The following CCSER1 variants were observed in gnomAD, a reference collection of about 807,000 sequenced individuals.
The protein encoded by CCSER1 is serine-rich coiled-coil domain-containing protein 1.
In CCSER1, 41 loss-of-function variants were observed where a neutral mutation model predicts 82.0. That is an observed-to-expected ratio of 0.50 (90% confidence interval 0.39 to 0.65). The LOEUF (loss-of-function observed/expected upper bound fraction) is 0.65. CCSER1 is among the 30% of genes least tolerant of loss of function. CCSER1 has a pLI of 0.00. For synonymous variants in CCSER1, 414 were observed against 383.9 expected (o/e 1.08, Z -0.92); for missense variants, 1,119 against 1,064.2 (o/e 1.05, Z -0.72).
At chr4:90,917,476 G>A (rs1286243022) in intron 8 of CCSER1, among the ~76,000 whole-genome samples, 1 of 152,088 alleles carries the variant, frequency 6.6e-6, no homozygotes, top group Admixed American at 6.6e-5. Context: ...AGAACACTTG[G>A]ACCCAGGAAG....
intron 7 of CCSER1, chr4:90,780,888 T>C: frequency 1.4e-6 from 1 of 708,408 alleles, no homozygotes; most frequent in Non-Finnish European, 1.7e-6. Context: ...AGGTGATTTA[T>C]AAGAAAAGGG....
chr4:91,245,957 A>C (rs1222961170), intron 10 of CCSER1, among the ~76,000 whole-genome samples: 2 of 152,190 alleles, frequency 1.3e-5, no homozygotes, highest in African/African-American at 4.8e-5. Flanking sequence ...CGGCCTCCCA[A>C]AGTGTTGGGA....
chr4:90,946,893 C>T (rs1249679648), intron 9 of CCSER1, among the ~76,000 whole-genome samples: 5 of 152,158 alleles, frequency 3.3e-5, no homozygotes, highest in African/African-American at 9.7e-5. Flanking sequence ...TGACTCATAA[C>T]ATCAAATATT....
At chr4:90,233,640 AAAAAAAC>A (rs934666482) in intron 1 of CCSER1, among the ~76,000 whole-genome samples, 1 of 150,466 alleles carries the variant, frequency 6.6e-6, no homozygotes, top group African/African-American at 2.5e-5. Flanking sequence ...AAATTAAAAA[AAAAAAAC>A]AAAACAAACT....
chr4:91,328,628 G>T (rs1345507193), intron 10 of CCSER1, among the ~76,000 whole-genome samples: 1 of 152,056 alleles, frequency 6.6e-6, no homozygotes, highest in African/African-American at 2.4e-5. Flanking sequence ...TGAATTATTT[G>T]TACTCATTAA....
At chr4:90,922,966 A>C (rs1220939983) in intron 8 of CCSER1, among the ~76,000 whole-genome samples, 3 of 152,196 alleles carry the variant, frequency 2.0e-5, no homozygotes, top group Non-Finnish European at 2.9e-5. Flanking sequence ...CAAACTGAAT[A>C]GAATCCATTG....
intron 4 of CCSER1, among the ~76,000 whole-genome samples, chr4:90,408,707 A>AC (rs1166756152): frequency 6.6e-6 from 1 of 152,164 alleles, no homozygotes; most frequent in Non-Finnish European, 1.5e-5. Context: ...AAAACCAGAA[A>AC]TCTAAAAATC....
At chr4:90,401,216 A>G (rs1752824968) in intron 4 of CCSER1, among the ~76,000 whole-genome samples, 1 of 152,112 alleles carries the variant, frequency 6.6e-6, no homozygotes, top group Admixed American at 6.6e-5. Context: ...TTCTTGGGAC[A>G]TTTTTCCTGT....
chr4:90,349,842 C>A (rs770532264), intron 3 of CCSER1, among the ~76,000 whole-genome samples: 1 of 149,066 alleles, frequency 6.7e-6, no homozygotes, highest in Non-Finnish European at 1.5e-5. Context: ...TCTTCATTCA[C>A]GTGAGGTAAA....
intron 5 of CCSER1, among the ~76,000 whole-genome samples, chr4:90,625,857 A>T (rs574646097): frequency 5.3e-5 from 8 of 152,330 alleles, no homozygotes; most frequent in Admixed American, 5.2e-4. Flanking sequence ...CATCTTAGCT[A>T]TTTGAAAATG....
At chr4:91,140,873 C>G (rs755784374) in intron 10 of CCSER1, among the ~76,000 whole-genome samples, 1 of 151,994 alleles carries the variant, frequency 6.6e-6, no homozygotes, top group Non-Finnish European at 1.5e-5. Flanking sequence ...ATATATTGCA[C>G]AATGCTGAGG....
intron 6 of CCSER1, among the ~76,000 whole-genome samples, chr4:90,675,296 A>G (rs1448459340): frequency 1.3e-5 from 2 of 152,038 alleles, no homozygotes; most frequent in African/African-American, 2.4e-5. Flanking sequence ...TAGAAATAAT[A>G]TGTGCTTTAA....
intron 10 of CCSER1, among the ~76,000 whole-genome samples, chr4:91,408,923 G>A (rs1271490640): frequency 6.6e-6 from 1 of 152,122 alleles, no homozygotes; most frequent in East Asian, 1.9e-4. Context: ...GAAAAGTAAT[G>A]ATAATGGATA....
At chr4:90,443,868 C>T (rs985110407) in intron 4 of CCSER1, among the ~76,000 whole-genome samples, 2 of 151,694 alleles carry the variant, frequency 1.3e-5, no homozygotes, top group Admixed American at 6.6e-5. Flanking sequence ...AATGAATGCA[C>T]GCATATACAT....
rs1735778667 is a variant in CCSER1, at chr4:90,314,254, C to A, written c.1509+1207C>A. On this transcript the variant is annotated intron_variant, in intron 3 of 10. Coordinates refer to ENST00000509176, the MANE Select transcript of CCSER1 (RefSeq NM_001145065.2). ...TTTGTACATATGGAAACATATATTTCATGCTTCGTTTTGTTCTTTTGTGCA... is the reference window on the plus strand; with the variant it reads ...TTTGTACATATGGAAACATATATTTAATGCTTCGTTTTGTTCTTTTGTGCA... 2.0e-5 allele frequency among the ~76,000 whole-genome samples: 3 copies of A among 152,264 alleles called. No individual in the cohort carries two copies. The South Asian group carries it at 6.2e-4, about 32-fold the overall frequency.
At chr4:91,422,456 A>C (rs932769030) in intron 10 of CCSER1, among the ~76,000 whole-genome samples, 1 of 152,072 alleles carries the variant, frequency 6.6e-6, no homozygotes, top group Non-Finnish European at 1.5e-5. Flanking sequence ...CTTATTGCCT[A>C]ATTGTGTGTC....
intron 4 of CCSER1, among the ~76,000 whole-genome samples, chr4:90,430,514 T>C (rs1758123739): frequency 1.3e-5 from 2 of 151,928 alleles, no homozygotes; most frequent in African/African-American, 4.8e-5. Flanking sequence ...ATATATTGCA[T>C]AGCGAATTCT....
chr4:90,726,748 G>T (rs185095942), intron 7 of CCSER1, among the ~76,000 whole-genome samples: 20 of 152,188 alleles, frequency 1.3e-4, no homozygotes, highest in Middle Eastern at 3.4e-3. Flanking sequence ...GATTGGTGTA[G>T]CTAGCCTTTC....
chr4:90,729,939 G>A (rs1379038124), intron 7 of CCSER1, among the ~76,000 whole-genome samples: 1 of 151,782 alleles, frequency 6.6e-6, no homozygotes, highest in Non-Finnish European at 1.5e-5. Context: ...TTTTTATCAG[G>A]CATACACCAT....
Sources: gnomAD v4.1 joint callset for allele counts (sites outside exome capture counted in the v4.1 genomes callset) on GRCh38, gnomAD v4.1.1 for gene constraint, MANE v1.5 for transcripts, NCBI Gene and HGNC (gene_info 2026-07-23, HGNC 2026-07-21) for gene names.